Variants in SBF2 observed in about 807,000 individuals in gnomAD.
SBF2 encodes the protein SET binding factor 2, also known as myotubularin-related protein 13.
In SBF2, 112 loss-of-function variants were observed where a neutral mutation model predicts 225.2. The ratio of observed to expected loss-of-function variants is 0.50; its 90% CI spans 0.43 to 0.58. SBF2 has a LOEUF of 0.58. SBF2 is among the 20% of genes least tolerant of loss of function. The pLI is 0.00. For missense variants in SBF2, 1,996 were observed against 2,206.2 expected (o/e 0.90, Z 1.91); for synonymous variants, 763 against 773.3 (o/e 0.99, Z 0.22).
chr11:10,174,760 A>T lies in SBF2; in HGVS notation c.141+19142T>A, dbSNP rs185099550. On this transcript the variant is annotated intron_variant, in intron 2 of 39. Transcript: ENST00000256190. ...GAAAAAATGTGAAGGGCAGCCAGAG[A>T]GAAAGGTCCGGTTACCCACAAAGGG... Among the ~76,000 whole-genome samples the T allele has an allele frequency of 1.8e-4, 27 of 152,322 alleles. 1 individual carries two copies. In the East Asian group the frequency reaches 5.2e-3, roughly 29 times the overall value.
At chr11:9,868,386 C>T (rs924124699) in intron 17 of SBF2, among the ~76,000 whole-genome samples, 4 of 133,722 alleles carry the variant, frequency 3.0e-5, no homozygotes, top group East Asian at 4.3e-4. Context: ...GGTGTGGTGG[C>T]GGGCGCCTGT....
intron 1 of SBF2, among the ~76,000 whole-genome samples, chr11:10,201,944 TAAAC>T (rs1957584714): frequency 6.6e-6 from 1 of 152,264 alleles, no homozygotes; most frequent in South Asian, 2.1e-4. Flanking sequence ...AAATAATAAA[TAAAC>T]AGCAGCTACA....
chr11:10,091,900 C>A lies in SBF2; in HGVS notation c.142-48919G>T, dbSNP rs77206293. Reference sequence around the variant, plus strand: ...GATTTCTAGGAGTTTTTGAGTTTTGCTTCCCTGATTTCTCTTACTTGGAAG... The same window carrying A: ...GATTTCTAGGAGTTTTTGAGTTTTGATTCCCTGATTTCTCTTACTTGGAAG... On this transcript the variant is annotated intron_variant, in intron 2 of 39. Coordinates refer to ENST00000256190, the MANE Select transcript of SBF2 (RefSeq NM_030962.4). 3.4e-3 allele frequency among the ~76,000 whole-genome samples: 525 copies of A among 152,222 alleles called. 4 individuals are homozygous for A. The highest frequency in any genetic ancestry group is 0.012 in the African/African-American group (497 of 41,550).
At chr11:10,195,612 C>G (rs1161831129) in intron 1 of SBF2, among the ~76,000 whole-genome samples, 3 of 152,128 alleles carry the variant, frequency 2.0e-5, no homozygotes, top group African/African-American at 7.2e-5. Context: ...TCAACCTCAT[C>G]TCTATGAATG....
At position 10,160,312 on chromosome 11, in the gene SBF2, C is replaced by A. The variant is rs571730788; in HGVS notation, c.141+33590G>T. Among the ~76,000 whole-genome samples, 8 of 152,270 alleles carry A rather than the reference C, an allele frequency of 5.3e-5. No individual in the cohort carries two copies. The East Asian group carries it at 1.2e-3, about 22-fold the overall frequency. ...CAAACTCTCCATTCCCCAAACTATA[C>A]CTTTTTCTATAATATTTATTTCAGA... On this transcript the variant is annotated intron_variant, in intron 2 of 39. Coordinates refer to ENST00000256190, the MANE Select transcript of SBF2 (RefSeq NM_030962.4).
At chr11:10,079,003 A>T (rs1951247784) in intron 2 of SBF2, among the ~76,000 whole-genome samples, 2 of 152,182 alleles carry the variant, frequency 1.3e-5, no homozygotes, top group Admixed American at 1.3e-4. Flanking sequence ...CCCATAAGCA[A>T]AGCCAGAGAA....
At chr11:10,013,299 T>C (rs904596624) in intron 6 of SBF2, among the ~76,000 whole-genome samples, 4 of 152,154 alleles carry the variant, frequency 2.6e-5, no homozygotes, top group Admixed American at 1.3e-4. Flanking sequence ...CCATCCCAAA[T>C]AAATTCCACT....
chr11:9,912,901 T>C (rs1200550531), intron 16 of SBF2, among the ~76,000 whole-genome samples: 3 of 152,218 alleles, frequency 2.0e-5, no homozygotes, highest in Non-Finnish European at 1.5e-5. Context: ...ATAACTGTTA[T>C]CCAGACTATA....
chr11:10,019,130 A>G (rs766119313), intron 6 of SBF2, among the ~76,000 whole-genome samples: 1 of 152,172 alleles, frequency 6.6e-6, no homozygotes, highest in Admixed American at 6.5e-5. Flanking sequence ...ATCCCCAGTG[A>G]CTAACTCAGG....
At chr11:9,944,044 C>G (rs2134304251) in intron 16 of SBF2, among the ~76,000 whole-genome samples, 1 of 152,292 alleles carries the variant, frequency 6.6e-6, no homozygotes, top group South Asian at 2.1e-4. Context: ...TAAGCCGTAA[C>G]TACATGAAGC....
intron 2 of SBF2, among the ~76,000 whole-genome samples, chr11:10,081,346 A>G (rs886369021): frequency 6.6e-6 from 1 of 152,216 alleles, no homozygotes; most frequent in African/African-American, 2.4e-5. Context: ...CAATGAAATT[A>G]AGGCAGAAAT....
At chr11:9,963,647 A>G (rs1031191079) in intron 15 of SBF2, 126 bp downstream of exon 15, 7 of 635,600 alleles carry the variant, frequency 1.1e-5, no homozygotes, top group Non-Finnish European at 2.0e-5. Context: ...AAATGATCCA[A>G]ACAATGAGAG....
At chr11:10,170,687 T>C (rs532941311) in intron 2 of SBF2, among the ~76,000 whole-genome samples, 176 of 152,174 alleles carry the variant, frequency 1.2e-3, no homozygotes, top group Non-Finnish European at 1.6e-3. Flanking sequence ...CTGTAAAGAA[T>C]GTTATTGATA....
intron 28 of SBF2, among the ~76,000 whole-genome samples, chr11:9,819,701 A>T (rs537899637): frequency 6.6e-6 from 1 of 152,324 alleles, no homozygotes; most frequent in Admixed American, 6.5e-5. Flanking sequence ...ATTGGTCCTC[A>T]TATTGAAGGA....
At chr11:10,134,897 T>A (rs1325177055) in intron 2 of SBF2, among the ~76,000 whole-genome samples, 1 of 152,170 alleles carries the variant, frequency 6.6e-6, no homozygotes. Flanking sequence ...GTGGCCCTCT[T>A]CTCACAGCTC....
rs886048775 is a variant in SBF2, at chr11:9,779,536, A to C, written c.*882T>G. On this transcript the variant is annotated 3_prime_UTR_variant, in exon 40 of 40. Coordinates refer to ENST00000256190, the MANE Select transcript of SBF2 (RefSeq NM_030962.4). ...GACTGTGGTCAACACAGCCCTTGTCACAGGTGCGTATGGTCCTAAATAGCT... is the reference window on the plus strand; with the variant it reads ...GACTGTGGTCAACACAGCCCTTGTCCCAGGTGCGTATGGTCCTAAATAGCT... 6.5e-6 allele frequency: 1 copy of C among 152,676 alleles called. No homozygotes were observed. The highest frequency in any genetic ancestry group is 1.5e-5 in the Non-Finnish European group (1 of 68,044). 9.5% of individuals were successfully genotyped at this position (152,676 alleles called of 1,614,324 possible).
chr11:10,012,439 G>A (rs975977973), intron 6 of SBF2, among the ~76,000 whole-genome samples: 1 of 152,128 alleles, frequency 6.6e-6, no homozygotes, highest in Non-Finnish European at 1.5e-5. Context: ...ACGATGCCTG[G>A]CCTGTTTCAG....
At chr11:10,198,546 C>T (rs2135346371) in intron 1 of SBF2, among the ~76,000 whole-genome samples, 1 of 152,334 alleles carries the variant, frequency 6.6e-6, no homozygotes, top group South Asian at 2.1e-4. Context: ...TGAGAAACAG[C>T]TTTAATTTGA....
chr11:10,012,197 G>A (rs1948484624), intron 6 of SBF2, among the ~76,000 whole-genome samples: 1 of 152,170 alleles, frequency 6.6e-6, no homozygotes, highest in African/African-American at 2.4e-5. Flanking sequence ...TCAGGCTGTA[G>A]TGCAGTGGCA....
Sources: gnomAD v4.1 joint callset for allele counts (sites outside exome capture counted in the v4.1 genomes callset) on GRCh38, gnomAD v4.1.1 for gene constraint, MANE v1.5 for transcripts, NCBI Gene and HGNC (gene_info 2026-07-23, HGNC 2026-07-21) for gene names.